The following ZCCHC17 variants were observed in gnomAD, a reference collection of about 807,000 sequenced individuals.
ZCCHC17 encodes the protein zinc finger CCHC domain-containing protein 17.
Under a neutral mutation model 30.6 loss-of-function variants are expected in ZCCHC17, and 18 were observed. The ratio of observed to expected loss-of-function variants is 0.59; its 90% CI spans 0.41 to 0.87. ZCCHC17 has a LOEUF of 0.87. Among genes scored for constraint, ZCCHC17 ranks in the 40% least tolerant of loss-of-function variants. The pLI, the probability that ZCCHC17 is intolerant of heterozygous loss-of-function variation, is 0.00. For synonymous variants in ZCCHC17, 88 were observed against 92.4 expected (o/e 0.95, Z 0.27); for missense variants, 263 against 284.2 (o/e 0.93, Z 0.54).
chr1:31,357,097 T>C (rs1282486621), intron 7 of ZCCHC17, among the ~76,000 whole-genome samples: 1 of 152,334 alleles, frequency 6.6e-6, no homozygotes, highest in African/African-American at 2.4e-5. Context: ...ACTTTAGATA[T>C]GTTTGATTCA....
chr1:31,351,253 G>A (rs965310432), intron 7 of ZCCHC17, among the ~76,000 whole-genome samples: 23 of 152,092 alleles, frequency 1.5e-4, no homozygotes, highest in Non-Finnish European at 5.9e-5. Flanking sequence ...CCAAGTCCTG[G>A]CAGTGGTGCC....
chr1:31,300,400 T>C (rs1188056617), intron 1 of ZCCHC17, among the ~76,000 whole-genome samples: 1 of 151,984 alleles, frequency 6.6e-6, no homozygotes, highest in African/African-American at 2.4e-5. Context: ...TGCAGTGTAA[T>C]TGGTGTTATT....
intron 1 of ZCCHC17, among the ~76,000 whole-genome samples, chr1:31,298,821 C>T (rs939003036): frequency 2.0e-5 from 3 of 152,124 alleles, no homozygotes; most frequent in East Asian, 1.9e-4. Flanking sequence ...TTTGTATATA[C>T]ATGAATTGAG....
chr1:31,303,738 A>G (rs1031082248), intron 1 of ZCCHC17, among the ~76,000 whole-genome samples: 1 of 152,182 alleles, frequency 6.6e-6, no homozygotes, highest in Non-Finnish European at 1.5e-5. Context: ...TGCTGACCCA[A>G]TACCCCAACA....
chr1:31,334,753 AAAG>A (rs1164437384), intron 3 of ZCCHC17, among the ~76,000 whole-genome samples: 1 of 152,198 alleles, frequency 6.6e-6, no homozygotes, highest in Non-Finnish European at 1.5e-5. Context: ...ACTATTTACT[AAAG>A]AAGGAATTAT....
At position 31,337,210 on chromosome 1, in the gene ZCCHC17, G is replaced by T; in HGVS notation, c.160G>T (p.Val54Leu). Residue 54 changes from valine to leucine, a missense_variant, in exon 4 of 8, where the codon GTG becomes TTG. Physicochemically the swap from Val to Leu is conservative, Grantham distance 32. Coordinates refer to ENST00000344147, the MANE Select transcript of ZCCHC17 (RefSeq NM_016505.4). ...VHRTHMSSCR[V>L]DKPSEIVDVG... ...TCGAACTCATATGTCATCCTGTCGG[G>T]TGGATAAGCCCTCTGAGATAGTAGA... The T allele has an allele frequency of 6.2e-7, 1 of 1,614,076 alleles. No homozygotes were observed. Among genetic ancestry groups the T allele is most frequent in the Non-Finnish European group, 8.5e-7 (1 of 1,180,020 alleles).
chr1:31,307,323 A>G (rs1646487407), intron 1 of ZCCHC17, among the ~76,000 whole-genome samples: 1 of 152,084 alleles, frequency 6.6e-6, no homozygotes, highest in East Asian at 1.9e-4. Flanking sequence ...TACAAGAGGT[A>G]TAAATCTGGG....
At chr1:31,362,597 G>A (rs1639952388) in intron 7 of ZCCHC17, among the ~76,000 whole-genome samples, 1 of 152,172 alleles carries the variant, frequency 6.6e-6, no homozygotes, top group Non-Finnish European at 1.5e-5. Context: ...ATAATCTTGT[G>A]AGGTGGCTGT....
chr1:31,337,952 T>G (rs548149907), intron 4 of ZCCHC17, among the ~76,000 whole-genome samples: 1 of 152,182 alleles, frequency 6.6e-6, no homozygotes, highest in Admixed American at 6.5e-5. Context: ...GGAGTTAATA[T>G]AGAATATAAG....
intron 1 of ZCCHC17, among the ~76,000 whole-genome samples, chr1:31,298,938 C>T (rs1646239110): frequency 1.3e-5 from 2 of 152,102 alleles, no homozygotes; most frequent in Non-Finnish European, 2.9e-5. Flanking sequence ...GGAAGGAGGA[C>T]TGGAAGAATG....
intron 1 of ZCCHC17, among the ~76,000 whole-genome samples, chr1:31,307,680 T>G (rs1319687402): frequency 6.6e-6 from 1 of 151,846 alleles, no homozygotes; most frequent in African/African-American, 2.4e-5. Context: ...GTTCAAGCAA[T>G]TCCCCTGCCT....
At chr1:31,335,031 C>T (rs1170643628) in intron 3 of ZCCHC17, among the ~76,000 whole-genome samples, 1 of 152,122 alleles carries the variant, frequency 6.6e-6, no homozygotes, top group Non-Finnish European at 1.5e-5. Context: ...ACATTTTGGC[C>T]AATCTTGTCA....
chr1:31,330,880 G>C (rs1226258484), intron 3 of ZCCHC17, among the ~76,000 whole-genome samples: 2 of 152,164 alleles, frequency 1.3e-5, no homozygotes, highest in African/African-American at 4.8e-5. Flanking sequence ...GACTTTTGGT[G>C]GTGTGTCCAT....
At chr1:31,319,901 G>T (rs1021876322) in intron 3 of ZCCHC17, among the ~76,000 whole-genome samples, 1 of 152,030 alleles carries the variant, frequency 6.6e-6, no homozygotes, top group African/African-American at 2.4e-5. Context: ...AAGAATACTA[G>T]AAGAAAATCT....
intron 7 of ZCCHC17, among the ~76,000 whole-genome samples, chr1:31,357,480 TCTA>T (rs1255311340): frequency 1.3e-5 from 2 of 152,190 alleles, no homozygotes; most frequent in African/African-American, 4.8e-5. Flanking sequence ...TAATAGAGCT[TCTA>T]CTGTGTGCTA....
chr1:31,297,284 C>T (rs1474445649), intron 1 of ZCCHC17: 1 of 397,766 alleles, frequency 2.5e-6, no homozygotes. Flanking sequence ...AAGACCCAGC[C>T]CCTGCGGCTC....
intron 7 of ZCCHC17, among the ~76,000 whole-genome samples, chr1:31,356,537 A>G (rs776886026): frequency 6.6e-6 from 1 of 152,206 alleles, no homozygotes; most frequent in Non-Finnish European, 1.5e-5. Context: ...ACTACCTGTG[A>G]ATAGATAGAC....
At chr1:31,359,448 C>T (rs1179900134) in intron 7 of ZCCHC17, among the ~76,000 whole-genome samples, 1 of 152,062 alleles carries the variant, frequency 6.6e-6, no homozygotes, top group Non-Finnish European at 1.5e-5. Context: ...ATTGCCTGAA[C>T]CCAGGAGCCA....
chr1:31,306,098 A>G (rs1310451484), intron 1 of ZCCHC17, among the ~76,000 whole-genome samples: 1 of 152,222 alleles, frequency 6.6e-6, no homozygotes, highest in Non-Finnish European at 1.5e-5. Context: ...TTGAGGTGCA[A>G]CAGCAAAACT....
Sources: gnomAD v4.1 joint callset for allele counts (sites outside exome capture counted in the v4.1 genomes callset) on GRCh38, gnomAD v4.1.1 for gene constraint, MANE v1.5 for transcripts, NCBI Gene and HGNC (gene_info 2026-07-23, HGNC 2026-07-21) for gene names.